HDLBP: variants seen among roughly 807,000 people sequenced by gnomAD.
HDLBP encodes the protein high density lipoprotein binding protein.
HDLBP carries 30 observed loss-of-function variants against 137.3 expected under a neutral mutation model. The observed-to-expected ratio is 0.22, with a 90% confidence interval of 0.16 to 0.30. The LOEUF (loss-of-function observed/expected upper bound fraction) is 0.30, where lower values mean the gene tolerates loss of function less well. Ranked by LOEUF, HDLBP falls within the 10% of genes least tolerant of loss-of-function variation. The pLI is 1.00. For missense variants in HDLBP, 1,119 were observed against 1,667.3 expected, an observed-to-expected ratio of 0.67 and a Z score of 5.73; for synonymous variants, 606 against 596.0, an observed-to-expected ratio of 1.02 and a Z score of -0.24.
At chr2:241,294,949 A>G (rs1259127772) in intron 1 of HDLBP, among the ~76,000 whole-genome samples, 1 of 152,068 alleles carries the variant, frequency 6.6e-6, no homozygotes, top group Non-Finnish European at 1.5e-5. Flanking sequence ...AAAAACACTA[A>G]AAATTAGCCA....
chr2:241,284,698 C>T (rs2074739611), intron 1 of HDLBP, among the ~76,000 whole-genome samples: 1 of 152,256 alleles, frequency 6.6e-6, no homozygotes. Context: ...GTGGAAGAGT[C>T]AATCAATGCA....
chr2:241,235,616 T>C, intron 21 of HDLBP, 22 bp from the exon 22 acceptor site: 1 of 1,567,572 alleles, frequency 6.4e-7, no homozygotes, highest in Non-Finnish European at 8.8e-7. Context: ...ATGGTCATGG[T>C]TAGGCCGTGG....
chr2:241,299,021 T>G (rs2075291250), intron 1 of HDLBP, among the ~76,000 whole-genome samples: 1 of 152,216 alleles, frequency 6.6e-6, no homozygotes, highest in Non-Finnish European at 1.5e-5. Flanking sequence ...TTCCTGACTT[T>G]GATGGCTGTA....
chr2:241,250,030 T>G lies in HDLBP; in HGVS notation c.1373-50A>C, dbSNP rs370585333. On this transcript the variant is annotated intron_variant, in intron 11 of 27. Transcript: ENST00000310931. ...TTTAGGACACAGACCAACAACATTC[T>G]GCCAATGACATAACTGGGCAGGACA... 1.3e-5 allele frequency: 20 copies of G among 1,547,090 alleles called. No homozygotes were observed. The Admixed American group carries it at 2.6e-4, about 20-fold the overall frequency.
chr2:241,300,892 C>G (rs2075371264), intron 1 of HDLBP, among the ~76,000 whole-genome samples: 1 of 151,914 alleles, frequency 6.6e-6, no homozygotes, highest in Admixed American at 6.6e-5. Context: ...AAATAGAAGC[C>G]TTGTTTCAAA....
chr2:241,254,543 G>A (rs990970991), intron 9 of HDLBP, among the ~76,000 whole-genome samples: 6 of 150,268 alleles, frequency 4.0e-5, no homozygotes, highest in African/African-American at 1.5e-4. Flanking sequence ...GGAATGCAGT[G>A]GTGCCATCTC....
rs554936848 is a variant in HDLBP at position 241,314,522 on chromosome 2, A to C, written c.-103+1048T>G. Among the ~76,000 whole-genome samples, 27 of 152,322 alleles carry C rather than the reference A, an allele frequency of 1.8e-4. 1 individual carries two copies. In the South Asian group the frequency reaches 5.6e-3, roughly 32 times the overall value. On this transcript the variant is annotated intron_variant, in intron 1 of 27. Coordinates refer to ENST00000310931, the MANE Select transcript of HDLBP (RefSeq NM_005336.6). The stretch of plus-strand genomic sequence containing the variant: ...TATGAATCTGAGGACATAAAACGCA[A>C]AACTGAGGGGCAAATCGTCATGTTC...
chr2:241,277,362 T>TATA (rs2074428167), intron 1 of HDLBP, among the ~76,000 whole-genome samples: 1 of 152,074 alleles, frequency 6.6e-6, no homozygotes, highest in Non-Finnish European at 1.5e-5. Flanking sequence ...CTAAAAGACA[T>TATA]ATACCACAAA....
At chr2:241,270,476 C>G (rs1444952019) in intron 1 of HDLBP, among the ~76,000 whole-genome samples, 2 of 152,208 alleles carry the variant, frequency 1.3e-5, no homozygotes, top group African/African-American at 4.8e-5. Flanking sequence ...TTCTTCTAAA[C>G]AACTCAAAAA....
intron 16 of HDLBP, 23 bp downstream of exon 16, chr2:241,246,729 C>A: frequency 6.2e-7 from 1 of 1,609,354 alleles, no homozygotes; most frequent in African/African-American, 1.3e-5. Flanking sequence ...GGAGGATCTC[C>A]ATTAGAAAAC....
At chr2:241,236,363 A>G in intron 21 of HDLBP, 1 of 528,586 alleles carries the variant, frequency 1.9e-6, no homozygotes. Flanking sequence ...CGTGGGCCTG[A>G]GAGGCCGGAT....
intron 1 of HDLBP, among the ~76,000 whole-genome samples, chr2:241,290,263 G>A (rs1232720971): frequency 6.6e-6 from 1 of 152,184 alleles, no homozygotes; most frequent in East Asian, 1.9e-4. Context: ...GACAGGGATG[G>A]AAATCAAGCT....
chr2:241,313,944 C>T (rs552014141), intron 1 of HDLBP, among the ~76,000 whole-genome samples: 2 of 152,142 alleles, frequency 1.3e-5, no homozygotes, highest in Non-Finnish European at 2.9e-5. Context: ...GAGCTAAGTC[C>T]CTTCAACAGT....
At position 241,256,412 on chromosome 2, in the gene HDLBP, G is replaced by A. The variant is rs375074448; in HGVS notation, c.658-13C>T. On this transcript the variant is annotated splice_polypyrimidine_tract_variant and intron_variant, in intron 6 of 27. Transcript: ENST00000310931. ...CAGCACGTTTGTCCTGGAAAGGAAG[G>A]GATGATCTGATGAGAACAGGCCTTT... is the stretch of plus-strand genomic sequence containing the variant. The A allele has an allele frequency of 3.8e-6, 6 of 1,594,878 alleles. No individual in the cohort carries two copies. The highest frequency in any genetic ancestry group is 5.1e-6 in the Non-Finnish European group (6 of 1,169,130).
chr2:241,256,516 C>G, intron 6 of HDLBP, 84 bp downstream of exon 6: 1 of 1,527,234 alleles, frequency 6.5e-7, no homozygotes, highest in Non-Finnish European at 9.0e-7. Context: ...GCCTTGAAGT[C>G]CACACTGGAC....
At chr2:241,314,886 G>A (rs1321591727) in intron 1 of HDLBP, among the ~76,000 whole-genome samples, 1 of 152,184 alleles carries the variant, frequency 6.6e-6, no homozygotes, top group African/African-American at 2.4e-5. Context: ...CTTCCTGAAC[G>A]AGGGGTATTT....
intron 17 of HDLBP, among the ~76,000 whole-genome samples, chr2:241,241,691 A>G (rs887538043): frequency 2.0e-5 from 3 of 151,574 alleles, no homozygotes; most frequent in Admixed American, 6.6e-5. Flanking sequence ...AGGCACTTCC[A>G]TGTGCTAACA....
At chr2:241,287,641 T>C (rs1022674760) in intron 1 of HDLBP, among the ~76,000 whole-genome samples, 7 of 152,088 alleles carry the variant, frequency 4.6e-5, no homozygotes, top group African/African-American at 1.7e-4. Context: ...CAGGTTGGTG[T>C]TGAACTCCTG....
intron 1 of HDLBP, among the ~76,000 whole-genome samples, chr2:241,300,758 C>A (rs1447149024): frequency 6.6e-6 from 1 of 152,138 alleles, no homozygotes; most frequent in South Asian, 2.1e-4. Flanking sequence ...AACCCGGGGA[C>A]ACCCCAGAGC....
Sources: allele counts gnomAD v4.1 joint callset (sites outside exome capture counted in the v4.1 genomes callset), GRCh38; gene constraint gnomAD v4.1.1; transcripts MANE v1.5; gene names NCBI Gene and HGNC (gene_info 2026-07-23, HGNC 2026-07-21).